Variants in LRRC37A observed in about 807,000 individuals in gnomAD.
LRRC37A encodes the protein leucine rich repeat containing 37A.
Under a neutral mutation model 35.4 loss-of-function variants are expected in LRRC37A, and 3 were observed. The observed-to-expected ratio is 0.08, with a 90% CI of 0.04 to 0.22. The LOEUF (loss-of-function observed/expected upper bound fraction) is 0.22. Ranked by LOEUF, LRRC37A falls within the 10% of genes least tolerant of loss-of-function variation. LRRC37A has a pLI of 1.00. For missense variants in LRRC37A, 67 were observed against 565.3 expected (o/e 0.12, Z 8.94); for synonymous variants, 23 against 215.0 (o/e 0.11, Z 7.81).
At chr17:46,264,961 T>G in the LRRC37A span, among the ~76,000 whole-genome samples, 22,070 of 151,966 alleles carry the variant, frequency 0.15, 2,248 homozygotes, top group Middle Eastern at 0.22. Flanking sequence ...TTGACTTAAA[T>G]AAAGAGCACG....
the LRRC37A span, among the ~76,000 whole-genome samples, chr17:46,256,802 C>T: frequency 6.6e-6 from 1 of 152,064 alleles, no homozygotes; most frequent in Non-Finnish European, 1.5e-5. Flanking sequence ...AACAAGACCA[C>T]CAAGAAGTCA....
upstream of LRRC37A, among the ~76,000 whole-genome samples, chr17:46,288,015 A>G (rs1402661872): frequency 2.0e-5 from 3 of 152,194 alleles, no homozygotes; most frequent in Admixed American, 6.5e-5. Context: ...TGCCGATACC[A>G]TTGGCACTCC....
chr17:46,285,304 G>A, the LRRC37A span, among the ~76,000 whole-genome samples: 10 of 148,716 alleles, frequency 6.7e-5, no homozygotes, highest in African/African-American at 2.5e-4. Flanking sequence ...GCCATGGCTC[G>A]ATCTTGGCTC....
the LRRC37A span, among the ~76,000 whole-genome samples, chr17:46,276,784 TTTTTTC>T: frequency 1.3e-5 from 2 of 149,730 alleles, no homozygotes; most frequent in East Asian, 3.9e-4. Context: ...ATTTTTTTCT[TTTTTTC>T]TTTTTTTTTT....
chr17:46,266,803 C>G, the LRRC37A span, among the ~76,000 whole-genome samples: 1 of 151,850 alleles, frequency 6.6e-6, no homozygotes, highest in South Asian at 2.1e-4. Flanking sequence ...TCCGTGAGGC[C>G]GCACACGCTC....
upstream of LRRC37A, among the ~76,000 whole-genome samples, chr17:46,292,158 C>A (rs140146209): frequency 0.013 from 1,460 of 111,074 alleles, 98 homozygotes; most frequent in African/African-American, 0.038. Context: ...ATGGTGAAAC[C>A]CCGTCTCTAC....
chr17:46,280,397 A>G, the LRRC37A span, among the ~76,000 whole-genome samples: 2 of 150,140 alleles, frequency 1.3e-5, no homozygotes, highest in African/African-American at 4.9e-5. Context: ...TTTCTAGCCC[A>G]GTGCAGTGGC....
At chr17:46,273,491 A>G in the LRRC37A span, among the ~76,000 whole-genome samples, 2 of 152,258 alleles carry the variant, frequency 1.3e-5, no homozygotes, top group Non-Finnish European at 2.9e-5. Context: ...CTGTAGCAAC[A>G]TCTTTCTTTT....
At chr17:46,267,228 C>A in the LRRC37A span, 3 of 716,610 alleles carry the variant, frequency 4.2e-6, no homozygotes, top group African/African-American at 5.6e-5. Context: ...GATCCCAGGG[C>A]GCCCGACCCA....
chr17:46,264,112 A>T, the LRRC37A span, among the ~76,000 whole-genome samples: 2 of 152,062 alleles, frequency 1.3e-5, no homozygotes, highest in Non-Finnish European at 2.9e-5. Context: ...CATTCTGGAT[A>T]ATTCAAATTC....
At chr17:46,266,875 G>A in the LRRC37A span, among the ~76,000 whole-genome samples, 2 of 148,418 alleles carry the variant, frequency 1.3e-5, no homozygotes, top group African/African-American at 5.0e-5. Flanking sequence ...GGCCCGCGAC[G>A]GAGGAAGCCC....
chr17:46,260,338 C>A, the LRRC37A span: 9 of 1,519,128 alleles, frequency 5.9e-6, no homozygotes, highest in South Asian at 1.2e-5. Flanking sequence ...CGGTTCAGGC[C>A]GCTGAAGGTC....
chr17:46,277,649 CT>C, the LRRC37A span, among the ~76,000 whole-genome samples: 2 of 115,536 alleles, frequency 1.7e-5, no homozygotes, highest in African/African-American at 5.3e-5. Flanking sequence ...TTCTTTCTTT[CT>C]TTCTTTTTTT....
chr17:46,263,803 G>A, the LRRC37A span, among the ~76,000 whole-genome samples: 48 of 149,920 alleles, frequency 3.2e-4, no homozygotes, highest in Non-Finnish European at 6.3e-4. Flanking sequence ...GCAGTGAGCC[G>A]AGATTGTGCC....
At chr17:46,265,714 G>A in the LRRC37A span, among the ~76,000 whole-genome samples, 6 of 152,152 alleles carry the variant, frequency 3.9e-5, no homozygotes, top group Non-Finnish European at 8.8e-5. Flanking sequence ...CTGAGCTCAA[G>A]AGATCCTCCT....
the LRRC37A span, among the ~76,000 whole-genome samples, chr17:46,258,960 C>T: frequency 4.0e-5 from 6 of 150,674 alleles, no homozygotes; most frequent in East Asian, 2.0e-4. Context: ...CCTCGTGATC[C>T]GCCCACCTCA....
At chr17:46,280,492 T>G in the LRRC37A span, among the ~76,000 whole-genome samples, 3 of 151,966 alleles carry the variant, frequency 2.0e-5, no homozygotes, top group Non-Finnish European at 4.4e-5. Context: ...TTGGGTCATA[T>G]AGCAAGACCC....
chr17:46,262,356 C>A, the LRRC37A span, among the ~76,000 whole-genome samples: 1 of 144,380 alleles, frequency 6.9e-6, no homozygotes, highest in African/African-American at 2.5e-5. Context: ...TTTCTCCCTT[C>A]CCCTCTTCTT....
the LRRC37A span, among the ~76,000 whole-genome samples, chr17:46,258,819 A>G: frequency 7.0e-6 from 1 of 142,634 alleles, no homozygotes; most frequent in South Asian, 2.1e-4. Flanking sequence ...GGTTCACACC[A>G]TTCTCCTGCC....
Sources: allele counts gnomAD v4.1 joint callset (sites outside exome capture counted in the v4.1 genomes callset), GRCh38; gene constraint gnomAD v4.1.1; transcripts MANE v1.5; gene names NCBI Gene and HGNC (gene_info 2026-07-23, HGNC 2026-07-21).